The following PIGL variants were observed in gnomAD, a reference collection of about 807,000 sequenced individuals.
PIGL encodes N-acetylglucosaminyl-phosphatidylinositol de-N-acetylase.
Under a neutral mutation model 31.1 loss-of-function variants are expected in PIGL, and 22 were observed. The observed-to-expected ratio is 0.71, with a 90% CI of 0.51 to 1.01. PIGL has a LOEUF of 1.01. Ranked by LOEUF, PIGL falls within the 50% of genes least tolerant of loss-of-function variation. The pLI is 0.00. For synonymous variants in PIGL, 131 were observed against 117.4 expected, an observed-to-expected ratio of 1.12 and a Z score of -0.75; for missense variants, 302 against 315.9, an observed-to-expected ratio of 0.96 and a Z score of 0.33.
At chr17:16,323,961 A>T (rs1432024581) in intron 6 of PIGL, among the ~76,000 whole-genome samples, 1 of 145,642 alleles carries the variant, frequency 6.9e-6, no homozygotes, top group Admixed American at 6.9e-5. Context: ...TTATTTATTT[A>T]TTTATTTATT....
rs911422209 is a variant in PIGL, at chr17:16,262,094, G to A, written c.335+28024G>A. ...AAAAATTAGCCGGGTGTGGTGGTGC[G>A]CACCTGTAATCCCATCTACTCAAGA... On this transcript the variant is annotated intron_variant, in intron 2 of 6. Coordinates refer to ENST00000225609, the MANE Select transcript of PIGL (RefSeq NM_004278.4). Among the ~76,000 whole-genome samples, 8 of 151,794 alleles carry A rather than the reference G, an allele frequency of 5.3e-5. No homozygotes were observed. The South Asian group carries it at 1.0e-3, about 20-fold the overall frequency.
chr17:16,229,786 A>G (rs1435155986), intron 1 of PIGL, among the ~76,000 whole-genome samples: 2 of 149,808 alleles, frequency 1.3e-5, no homozygotes, highest in Admixed American at 6.7e-5. Context: ...GGCCATCTAT[A>G]TATCTTCTTT....
At chr17:16,289,844 T>C (rs746010944) in intron 2 of PIGL, among the ~76,000 whole-genome samples, 1 of 152,174 alleles carries the variant, frequency 6.6e-6, no homozygotes, top group African/African-American at 2.4e-5. Flanking sequence ...TGGCACGATC[T>C]TGGCTCACTG....
chr17:16,266,186 A>C (rs2092841770), intron 2 of PIGL, among the ~76,000 whole-genome samples: 1 of 151,892 alleles, frequency 6.6e-6, no homozygotes, highest in South Asian at 2.1e-4. Flanking sequence ...AGGCTGAGGC[A>C]GGCGGATCAC....
chr17:16,237,385 G>A (rs2092703712), intron 2 of PIGL, among the ~76,000 whole-genome samples: 2 of 151,450 alleles, frequency 1.3e-5, no homozygotes, highest in South Asian at 2.1e-4. Flanking sequence ...TGGGATTACA[G>A]ACGTGAGCCA....
chr17:16,272,290 G>A (rs2092876302), intron 2 of PIGL, among the ~76,000 whole-genome samples: 1 of 152,126 alleles, frequency 6.6e-6, no homozygotes, highest in African/African-American at 2.4e-5. Flanking sequence ...ACTACACCTG[G>A]ACATCTGTTA....
chr17:16,268,896 G>A (rs1280467856), intron 2 of PIGL, among the ~76,000 whole-genome samples: 2 of 152,094 alleles, frequency 1.3e-5, no homozygotes, highest in Non-Finnish European at 2.9e-5. Flanking sequence ...CTGAGTAGCT[G>A]GGACTACAGG....
At chr17:16,270,070 T>G (rs1363756175) in intron 2 of PIGL, among the ~76,000 whole-genome samples, 1 of 152,026 alleles carries the variant, frequency 6.6e-6, no homozygotes, top group Non-Finnish European at 1.5e-5. Flanking sequence ...GCAGATCACC[T>G]GAGGTCAGGA....
At chr17:16,275,242 G>T (rs1337058878) in intron 2 of PIGL, among the ~76,000 whole-genome samples, 1 of 152,192 alleles carries the variant, frequency 6.6e-6, no homozygotes, top group Non-Finnish European at 1.5e-5. Flanking sequence ...GTAACTTCCT[G>T]ACGTTGCTAT....
chr17:16,250,674 T>C (rs1235223950), intron 2 of PIGL, among the ~76,000 whole-genome samples: 1 of 152,168 alleles, frequency 6.6e-6, no homozygotes, highest in African/African-American at 2.4e-5. Context: ...CTCGTAACAA[T>C]AACAGTAAAT....
At chr17:16,292,821 G>T (rs1326908499) in intron 2 of PIGL, among the ~76,000 whole-genome samples, 1 of 152,132 alleles carries the variant, frequency 6.6e-6, no homozygotes, top group Non-Finnish European at 1.5e-5. Flanking sequence ...ACTCTACTCT[G>T]TCTGGCTTCA....
intron 3 of PIGL, among the ~76,000 whole-genome samples, chr17:16,308,116 C>T (rs535814717): frequency 2.0e-5 from 3 of 152,016 alleles, no homozygotes; most frequent in Non-Finnish European, 2.9e-5. Context: ...AGGTGCATCA[C>T]GAGGTCAGGA....
intron 2 of PIGL, among the ~76,000 whole-genome samples, chr17:16,288,353 C>G (rs1006813685): frequency 1.3e-5 from 2 of 151,668 alleles, no homozygotes; most frequent in Non-Finnish European, 2.9e-5. Flanking sequence ...ATTACAGGTG[C>G]CTGCCACCAC....
intron 2 of PIGL, among the ~76,000 whole-genome samples, chr17:16,295,605 C>CTGGGTG (rs2092978340): frequency 6.6e-6 from 1 of 151,802 alleles, no homozygotes; most frequent in Non-Finnish European, 1.5e-5. Flanking sequence ...GTGATTGTAC[C>CTGGGTG]ACCGCATTCC....
intron 3 of PIGL, among the ~76,000 whole-genome samples, chr17:16,306,429 A>G (rs975640129): frequency 6.6e-6 from 1 of 151,910 alleles, no homozygotes; most frequent in Non-Finnish European, 1.5e-5. Context: ...TAGAGATAAA[A>G]GTAGACTTTG....
chr17:16,275,074 T>C (rs1220979417), intron 2 of PIGL, among the ~76,000 whole-genome samples: 5 of 151,444 alleles, frequency 3.3e-5, no homozygotes, highest in African/African-American at 4.8e-5. Context: ...GAATAAAGAA[T>C]GGCTGTTCCA....
chr17:16,305,807 G>A (rs1243810165), intron 3 of PIGL, among the ~76,000 whole-genome samples: 2 of 152,144 alleles, frequency 1.3e-5, no homozygotes, highest in Non-Finnish European at 2.9e-5. Context: ...AGCAAGATGG[G>A]GTTCTTGTTC....
In PIGL at chr17:16,325,866, T is replaced by A. The variant is rs1210493795; in HGVS notation, c.727T>A (p.Tyr243Asn). ...CCGCCTCTACATTATCTTCTCCCGGTACATGAGAATCAACTCACTGAGCTT... is the reference window on the plus strand; with the variant it reads ...CCGCCTCTACATTATCTTCTCCCGGAACATGAGAATCAACTCACTGAGCTT... ...FRRLYIIFSRYMRINSLSFL is the reference protein window; with the variant it reads ...FRRLYIIFSRNMRINSLSFL The change falls in exon 7 of 7, where the codon TAC becomes AAC. Residue 243 changes from tyrosine (Y) to asparagine (N), a missense_variant. Transcript: ENST00000225609. 1 of 1,613,782 alleles carries A rather than the reference T, an allele frequency of 6.2e-7. No individual in the cohort carries two copies. Among genetic ancestry groups the A allele is most frequent in the Non-Finnish European group, 8.5e-7 (1 of 1,179,680 alleles).
chr17:16,245,095 C>T lies in PIGL; in HGVS notation c.335+11025C>T, dbSNP rs758627590. 3.9e-4 allele frequency among the ~76,000 whole-genome samples: 60 copies of T among 152,034 alleles called. No homozygotes were observed. In the Middle Eastern group the frequency reaches 0.017, roughly 43 times the overall value. On this transcript the variant is annotated intron_variant, in intron 2 of 6. Coordinates refer to ENST00000225609, the MANE Select transcript of PIGL (RefSeq NM_004278.4). The stretch of plus-strand genomic sequence containing the variant: ...GCAACCTCCACCTCCTGGATTCAAG[C>T]AATTTTCCTGCCTCAGCCTCCCAGG...
Sources: gnomAD v4.1 joint callset for allele counts (sites outside exome capture counted in the v4.1 genomes callset) on GRCh38, gnomAD v4.1.1 for gene constraint, MANE v1.5 for transcripts, NCBI Gene and HGNC (gene_info 2026-07-23, HGNC 2026-07-21) for gene names.